Variants in FLI1 observed in about 807,000 individuals in gnomAD.
FLI1 encodes the protein Friend leukemia integration 1 transcription factor.
In FLI1, 13 loss-of-function variants were observed where a neutral mutation model predicts 53.1. That is an observed-to-expected ratio of 0.24 (90% CI 0.16 to 0.39). The LOEUF (loss-of-function observed/expected upper bound fraction) is 0.39. Ranked by LOEUF, FLI1 falls within the 10% of genes least tolerant of loss-of-function variation. FLI1 has a pLI of 1.00. For missense variants in FLI1, 424 were observed against 600.5 expected, an observed-to-expected ratio of 0.71 and a Z score of 3.07; for synonymous variants, 244 against 236.7, an observed-to-expected ratio of 1.03 and a Z score of -0.28.
At chr11:128,764,345 G>A (rs1250097608) in intron 2 of FLI1, among the ~76,000 whole-genome samples, 4 of 152,246 alleles carry the variant, frequency 2.6e-5, no homozygotes, top group Non-Finnish European at 4.4e-5. Context: ...GCTATGTCCA[G>A]TGGTGGAAAT....
intron 3 of FLI1, among the ~76,000 whole-genome samples, chr11:128,769,332 C>A (rs1408362423): frequency 6.6e-6 from 1 of 152,214 alleles, no homozygotes; most frequent in African/African-American, 2.4e-5. Flanking sequence ...AGGGATTAAA[C>A]CTGATCTTAC....
chr11:128,762,639 A>T (rs536514311), intron 2 of FLI1, among the ~76,000 whole-genome samples: 2 of 152,206 alleles, frequency 1.3e-5, no homozygotes, highest in South Asian at 4.1e-4. Context: ...TTTCTTTTAA[A>T]AATCTGGCTA....
intron 4 of FLI1, among the ~76,000 whole-genome samples, chr11:128,774,178 T>C (rs1448907557): frequency 6.6e-6 from 1 of 152,122 alleles, no homozygotes; most frequent in Middle Eastern, 3.2e-3. Flanking sequence ...GGGCAACACG[T>C]GCTGGCTGGA....
chr11:128,810,679 A>G lies in FLI1; in HGVS notation c.1050A>G (p.Lys350=). The change falls in exon 9 of 9, where the codon AAA becomes AAG. Residue 350 remains lysine (K), a synonymous_variant. Transcript: ENST00000527786. The surrounding 1 kb of genome is among the most constrained non-coding windows in gnomAD (Gnocchi z 6.6). The part of the protein sequence containing the change: ...RYYYDKNIMT[K]VHGKRYAYKF... The stretch of plus-strand genomic sequence containing the variant: ...ACTATGATAAAAACATTATGACCAA[A>G]GTGCACGGCAAAAGATATGCTTACA... 1 of 1,614,062 alleles carries G rather than the reference A, an allele frequency of 6.2e-7. No individual in the cohort carries two copies. Among genetic ancestry groups the G allele is most frequent in the Middle Eastern group, 1.6e-4 (1 of 6,062 alleles).
chr11:128,785,387 A>G (rs1415103387), intron 5 of FLI1, among the ~76,000 whole-genome samples: 4 of 151,606 alleles, frequency 2.6e-5, no homozygotes, highest in Non-Finnish European at 4.4e-5. Context: ...AGACAAAGAA[A>G]GTGGGGTTCA....
chr11:128,689,479 G>A (rs955617558), upstream of FLI1, among the ~76,000 whole-genome samples: 2 of 152,286 alleles, frequency 1.3e-5, no homozygotes, highest in East Asian at 3.9e-4. Flanking sequence ...CATTCTGAGG[G>A]AGATGCCGTC....
intron 1 of FLI1, among the ~76,000 whole-genome samples, chr11:128,717,436 T>G (rs963063472): frequency 6.6e-6 from 1 of 152,222 alleles, no homozygotes; most frequent in Non-Finnish European, 1.5e-5. Context: ...GGACTTGCTC[T>G]TCCAGATTCT....
At chr11:128,687,467 C>T (rs1937600834) in intron 1 of FLI1, among the ~76,000 whole-genome samples, 5 of 152,094 alleles carry the variant, frequency 3.3e-5, no homozygotes, top group Admixed American at 3.3e-4. Flanking sequence ...GAGTAGGGAC[C>T]CAAAGCTTAG....
chr11:128,792,630 C>T (rs1346865061), intron 5 of FLI1, among the ~76,000 whole-genome samples: 1 of 151,942 alleles, frequency 6.6e-6, no homozygotes, highest in African/African-American at 2.4e-5. Context: ...AGTGAAAGAC[C>T]AACGTATAGG....
At chr11:128,791,176 T>C (rs976959532) in intron 5 of FLI1, among the ~76,000 whole-genome samples, 2 of 152,108 alleles carry the variant, frequency 1.3e-5, no homozygotes, top group African/African-American at 4.8e-5. Flanking sequence ...CCCTGGAGCG[T>C]AGAGGTGTGA....
chr11:128,757,995 G>A, intron 1 of FLI1, 120 bp from the exon 2 acceptor site: 1 of 820,244 alleles, frequency 1.2e-6, no homozygotes. Context: ...AGTCAAACAG[G>A]AACTTCCAGA....
Position 128,696,650 on chromosome 11 carries a change from T to C in FLI1, c.18+2374T>C, listed in dbSNP as rs1938091361. On this transcript the variant is annotated intron_variant, in intron 1 of 8. Transcript: ENST00000527786. ...CCTGTATGTGCACTAAATCCAGCCC[T>C]ACACTGATCGAGGTTGACGACACTC... Among the ~76,000 whole-genome samples, 3 of 152,222 alleles carry C rather than the reference T, an allele frequency of 2.0e-5. No individual in the cohort carries two copies. The South Asian group carries it at 6.2e-4, about 31-fold the overall frequency.
upstream of FLI1, chr11:128,694,055 T>G (rs1407153047): frequency 1.2e-5 from 5 of 431,628 alleles, no homozygotes; most frequent in Admixed American, 1.8e-4. Context: ...AAAAAAAAGT[T>G]TCATCCGGTT....
intron 1 of FLI1, among the ~76,000 whole-genome samples, chr11:128,706,849 G>T (rs764104622): frequency 9.9e-5 from 15 of 152,198 alleles, no homozygotes; most frequent in Non-Finnish European, 1.8e-4. Flanking sequence ...TAAAAGGATT[G>T]CTGATTTGGA....
intron 5 of FLI1, among the ~76,000 whole-genome samples, chr11:128,785,232 G>A (rs1223866424): frequency 6.6e-6 from 1 of 152,010 alleles, no homozygotes; most frequent in Non-Finnish European, 1.5e-5. Context: ...AAATAAACTA[G>A]GATAAAAGCT....
chr11:128,726,028 G>C (rs1374804169), intron 1 of FLI1, among the ~76,000 whole-genome samples: 1 of 152,212 alleles, frequency 6.6e-6, no homozygotes. Context: ...CCGTGCTTCA[G>C]CTGAGCCCTC....
At chr11:128,773,033 GC>G (rs1941623172) in intron 4 of FLI1, 48 bp downstream of exon 4, 1 of 1,555,240 alleles carries the variant, frequency 6.4e-7, no homozygotes, top group African/African-American at 1.4e-5. Flanking sequence ...TTGGCATGGA[GC>G]CAACCCAGGG....
At chr11:128,802,166 T>G (rs970578950) in intron 5 of FLI1, among the ~76,000 whole-genome samples, 3 of 152,230 alleles carry the variant, frequency 2.0e-5, no homozygotes, top group Admixed American at 2.0e-4. Flanking sequence ...GCCTGGTTCT[T>G]CATACCCCTA....
At chr11:128,721,572 T>G (rs745367987) in intron 1 of FLI1, among the ~76,000 whole-genome samples, 36 of 152,162 alleles carry the variant, frequency 2.4e-4, no homozygotes, top group Admixed American at 1.6e-3. Flanking sequence ...AGAGACCATC[T>G]CTTTATACAA....
Sources: allele counts gnomAD v4.1 joint callset (sites outside exome capture counted in the v4.1 genomes callset), GRCh38; gene constraint gnomAD v4.1.1; non-coding constraint Gnocchi (gnomAD v3.1); transcripts MANE v1.5; gene names NCBI Gene and HGNC (gene_info 2026-07-23, HGNC 2026-07-21).